The following PTPRO variants were observed in gnomAD, a reference collection of about 807,000 sequenced individuals.
PTPRO encodes the protein receptor-type tyrosine-protein phosphatase O.
A neutral mutation model predicts 145.2 loss-of-function variants in PTPRO; 62 were observed. The observed-to-expected ratio is 0.43, with a 90% CI of 0.35 to 0.53. The LOEUF (loss-of-function observed/expected upper bound fraction) is 0.53, where lower values mean the gene tolerates loss of function less well. Among genes scored for constraint, PTPRO ranks in the 20% least tolerant of loss-of-function variants. The probability of loss-of-function intolerance (pLI) is 0.01; values close to 1 mark genes in which losing one functional copy is unlikely to be tolerated. For missense variants in PTPRO, 1,345 were observed against 1,482.7 expected, an observed-to-expected ratio of 0.91 and a Z score of 1.53; for synonymous variants, 565 against 514.7, an observed-to-expected ratio of 1.10 and a Z score of -1.32.
At chr12:15,389,270 A>T (rs575908009) in intron 1 of PTPRO, among the ~76,000 whole-genome samples, 15 of 151,646 alleles carry the variant, frequency 9.9e-5, no homozygotes, top group Non-Finnish European at 1.9e-4. Flanking sequence ...TGCCTGGCTA[A>T]TTTTGTTTTT....
chr12:15,523,238 A>G (rs139830920), intron 10 of PTPRO, among the ~76,000 whole-genome samples: 14 of 152,368 alleles, frequency 9.2e-5, no homozygotes, highest in Admixed American at 5.9e-4. Context: ...ATTAGGGGAA[A>G]TGATTCTTTA....
intron 25 of PTPRO, among the ~76,000 whole-genome samples, chr12:15,592,516 G>A (rs886881818): frequency 1.3e-5 from 2 of 152,050 alleles, no homozygotes; most frequent in African/African-American, 4.8e-5. Context: ...ATGTCTCCAG[G>A]TGCAACATGC....
At chr12:15,395,035 TGA>T (rs1276335764) in intron 1 of PTPRO, among the ~76,000 whole-genome samples, 1 of 151,974 alleles carries the variant, frequency 6.6e-6, no homozygotes, top group African/African-American at 2.4e-5. Context: ...AGAGAATGAA[TGA>T]GAGTAATATG....
chr12:15,427,775 T>G (rs988457149), intron 1 of PTPRO, among the ~76,000 whole-genome samples: 1 of 151,722 alleles, frequency 6.6e-6, no homozygotes, highest in African/African-American at 2.4e-5. Flanking sequence ...TTTTTCTTGA[T>G]CTTAGGTTAT....
intron 2 of PTPRO, among the ~76,000 whole-genome samples, chr12:15,494,713 T>C (rs1351470849): frequency 6.6e-6 from 1 of 152,218 alleles, no homozygotes; most frequent in Non-Finnish European, 1.5e-5. Flanking sequence ...AAAATATCTG[T>C]TCTCTAATCC....
chr12:15,416,201 A>G (rs917852755), intron 1 of PTPRO, among the ~76,000 whole-genome samples: 9 of 151,702 alleles, frequency 5.9e-5, no homozygotes, highest in African/African-American at 2.2e-4. Context: ...ACCTTTCCCA[A>G]TACTATGCCC....
rs183836730 is a variant in PTPRO, at chr12:15,479,013, C to G, written c.76-4961C>G. Among the ~76,000 whole-genome samples, 50 of 152,302 alleles carry G rather than the reference C, an allele frequency of 3.3e-4. No homozygotes were observed. In the East Asian group the frequency reaches 9.3e-3, roughly 28 times the overall value. ...AAAATACATACTCTTCTCATCTTCA[C>G]TCTTCACCTTCACCTTCACCGCACT... On this transcript the variant is annotated intron_variant, in intron 1 of 26. Coordinates refer to ENST00000281171, the MANE Select transcript of PTPRO (RefSeq NM_030667.3).
At chr12:15,512,618 A>G (rs1271066241) in intron 7 of PTPRO, among the ~76,000 whole-genome samples, 1 of 152,240 alleles carries the variant, frequency 6.6e-6, no homozygotes, top group East Asian at 1.9e-4. Flanking sequence ...TGTATCATAT[A>G]AAGTGTATTT....
intron 1 of PTPRO, among the ~76,000 whole-genome samples, chr12:15,411,113 T>G (rs938229510): frequency 6.6e-6 from 1 of 152,268 alleles, no homozygotes; most frequent in Admixed American, 6.5e-5. Context: ...GGTCAGTCAG[T>G]AAGTTTTAAA....
intron 1 of PTPRO, among the ~76,000 whole-genome samples, chr12:15,359,556 C>T (rs1161688252): frequency 6.7e-6 from 1 of 149,954 alleles, no homozygotes; most frequent in African/African-American, 2.4e-5. Context: ...GCACCCACCA[C>T]CACGCCTAGC....
rs1159737956 is a variant in PTPRO at position 15,534,670 on chromosome 12, CAG to C, written c.2164+8411_2164+8412del. On this transcript the variant is annotated intron_variant, in intron 12 of 26. Transcript: ENST00000281171. ...AAAGGCCAAGAAGGAGGATGCCAGACAGAGGGAACAGGCAGGCCTGAGTATAG... is the reference window on the plus strand; with the variant it reads ...AAAGGCCAAGAAGGAGGATGCCAGACAGGGAACAGGCAGGCCTGAGTATAG... Among the ~76,000 whole-genome samples the C allele has an allele frequency of 3.3e-5, 5 of 152,292 alleles. No homozygotes were observed. The East Asian group carries it at 9.6e-4, about 29-fold the overall frequency.
At chr12:15,407,831 C>T (rs542767909) in intron 1 of PTPRO, among the ~76,000 whole-genome samples, 2 of 152,208 alleles carry the variant, frequency 1.3e-5, no homozygotes, top group African/African-American at 2.4e-5. Flanking sequence ...AGACTTGAAA[C>T]GAATTGTTTA....
At chr12:15,413,769 C>T (rs898308646) in intron 1 of PTPRO, among the ~76,000 whole-genome samples, 10 of 152,058 alleles carry the variant, frequency 6.6e-5, no homozygotes, top group African/African-American at 2.2e-4. Flanking sequence ...GAGCCAAGAT[C>T]GTGCTACGGC....
chr12:15,332,736 T>C (rs1007865106), intron 1 of PTPRO, among the ~76,000 whole-genome samples: 4 of 152,244 alleles, frequency 2.6e-5, no homozygotes, highest in Admixed American at 6.5e-5. Context: ...AGCTGTAAAG[T>C]AGCCATTCCA....
At position 15,442,840 on chromosome 12, in the gene PTPRO, A is replaced by G. The variant is rs184242465; in HGVS notation, c.76-41134A>G. Among the ~76,000 whole-genome samples the G allele has an allele frequency of 2.3e-3, 353 of 152,312 alleles. 1 individual carries two copies. The highest frequency in any genetic ancestry group is 8.1e-3 in the African/African-American group (335 of 41,564). Reference sequence around the variant, plus strand: ...AAATCAGATGACACACACAAATGAAAAAACATTCCATGCTCATAGATTAGA... The same window carrying G: ...AAATCAGATGACACACACAAATGAAGAAACATTCCATGCTCATAGATTAGA... On this transcript the variant is annotated intron_variant, in intron 1 of 26. Coordinates refer to ENST00000281171, the MANE Select transcript of PTPRO (RefSeq NM_030667.3).
intron 1 of PTPRO, among the ~76,000 whole-genome samples, chr12:15,346,852 AG>A (rs1867235193): frequency 6.6e-6 from 1 of 152,198 alleles, no homozygotes. Flanking sequence ...ACACTTCTTC[AG>A]GGGTTTAAAG....
In PTPRO at chr12:15,501,968, C is replaced by T. The variant is rs371253901; in HGVS notation, c.1010C>T (p.Ser337Phe). ...GAGACAGAGAAGTCAACATCAGGCT[C>T]TTTCTCCTTTTTCCCTGTGCAAATG... ...LSETEKSTSG[S>F]FSFFPVQMIL... Residue 337 changes from serine to phenylalanine, a missense_variant, in exon 5 of 27, where the codon TCT (serine) becomes TTT (phenylalanine). Ser to Phe is a radical substitution (Grantham distance 155, BLOSUM62 -2). Around this residue, in one of 3 missense-constraint regions of PTPRO, gnomAD observed 1,130 missense variants for 1,214.7 expected, o/e 0.93. Transcript: ENST00000281171. 8.1e-6 allele frequency: 13 copies of T among 1,613,922 alleles called. No individual in the cohort carries two copies. Among genetic ancestry groups the T allele is most frequent in the Non-Finnish European group, 5.1e-6 (6 of 1,179,926 alleles).
intron 23 of PTPRO, among the ~76,000 whole-genome samples, chr12:15,584,428 G>A (rs1944388498): frequency 6.6e-6 from 1 of 152,162 alleles, no homozygotes; most frequent in Admixed American, 6.5e-5. Context: ...ACAAAATAGG[G>A]TCTGTTCCAT....
rs189138039 is a variant in PTPRO, at chr12:15,557,083, C to T, written c.2559-372C>T. Among the ~76,000 whole-genome samples the T allele has an allele frequency of 9.8e-4, 148 of 151,394 alleles. 1 individual carries two copies. The highest frequency in any genetic ancestry group is 3.2e-3 in the African/African-American group (134 of 41,300). On this transcript the variant is annotated intron_variant, in intron 15 of 26. Coordinates refer to ENST00000281171, the MANE Select transcript of PTPRO (RefSeq NM_030667.3). ...TGAGACAGAGTCTTGCTCTGTCACCCAGGCTGGAGTGCGGTGGCGCGATCT... is the reference window on the plus strand; with the variant it reads ...TGAGACAGAGTCTTGCTCTGTCACCTAGGCTGGAGTGCGGTGGCGCGATCT...
Sources: allele counts gnomAD v4.1 joint callset (sites outside exome capture counted in the v4.1 genomes callset), GRCh38; gene constraint gnomAD v4.1.1; regional missense constraint gnomAD v4.1.1; transcripts MANE v1.5; gene names NCBI Gene and HGNC (gene_info 2026-07-23, HGNC 2026-07-21).